CALN1: variants seen among roughly 807,000 people sequenced by gnomAD.
The protein encoded by CALN1 is calcium-binding protein 8.
Under a neutral mutation model 30.6 loss-of-function variants are expected in CALN1, and 17 were observed. The ratio of observed to expected loss-of-function variants is 0.56; its 90% confidence interval spans 0.38 to 0.83. The LOEUF (loss-of-function observed/expected upper bound fraction) is 0.83, where lower values mean the gene tolerates loss of function less well. Ranked by LOEUF, CALN1 falls within the 40% of genes least tolerant of loss-of-function variation. The pLI, the probability that CALN1 is intolerant of heterozygous loss-of-function variation, is 0.00. For synonymous variants in CALN1, 156 were observed against 131.4 expected (o/e 1.19, Z -1.28); for missense variants, 291 against 354.9 (o/e 0.82, Z 1.45).
intron 1 of CALN1, among the ~76,000 whole-genome samples, chr7:72,404,645 G>T (rs141678755): frequency 2.0e-4 from 30 of 152,226 alleles, no homozygotes; most frequent in African/African-American, 6.7e-4. Flanking sequence ...ATTGTATCCT[G>T]GGAAGAGTCC....
At chr7:71,871,212 C>T (rs1225474975) in intron 5 of CALN1, among the ~76,000 whole-genome samples, 1 of 151,974 alleles carries the variant, frequency 6.6e-6, no homozygotes, top group Non-Finnish European at 1.5e-5. Context: ...TTGGCAAGAC[C>T]CAGCTGAACA....
intron 3 of CALN1, among the ~76,000 whole-genome samples, chr7:72,144,043 G>A (rs559840238): frequency 2.0e-5 from 3 of 151,958 alleles, no homozygotes; most frequent in African/African-American, 2.4e-5. Context: ...AAAGACCATC[G>A]AGGCTAGGAA....
At chr7:72,020,949 G>T (rs374657572) in intron 5 of CALN1, among the ~76,000 whole-genome samples, 7 of 152,086 alleles carry the variant, frequency 4.6e-5, no homozygotes, top group African/African-American at 1.7e-4. Context: ...CTCCTTAGTT[G>T]GCCCTAAGGA....
intron 3 of CALN1, among the ~76,000 whole-genome samples, chr7:72,148,111 A>C (rs573299268): frequency 0.013 from 1,905 of 150,232 alleles, 46 homozygotes; most frequent in African/African-American, 0.044. Context: ...TAAAAAAAAA[A>C]AACAACCAAC....
chr7:72,356,281 T>C (rs150524906), intron 2 of CALN1, among the ~76,000 whole-genome samples: 9 of 150,162 alleles, frequency 6.0e-5, no homozygotes, highest in Non-Finnish European at 1.3e-4. Context: ...TGTAGGTAAA[T>C]CTGAATAACT....
chr7:71,936,965 A>C (rs1245157765), intron 5 of CALN1, among the ~76,000 whole-genome samples: 6 of 152,030 alleles, frequency 3.9e-5, no homozygotes, highest in South Asian at 2.1e-4. Context: ...TTTCATCTCC[A>C]GCCATGATTC....
At chr7:72,388,048 C>T (rs1329365229) in intron 2 of CALN1, among the ~76,000 whole-genome samples, 3 of 152,016 alleles carry the variant, frequency 2.0e-5, no homozygotes, top group South Asian at 2.1e-4. Flanking sequence ...GTGGGTTTTG[C>T]CATTGACTTT....
intron 2 of CALN1, among the ~76,000 whole-genome samples, chr7:72,295,898 A>G (rs1281654679): frequency 6.6e-6 from 1 of 151,654 alleles, no homozygotes; most frequent in African/African-American, 2.4e-5. Flanking sequence ...TTCCAACACT[A>G]TGTTGAATAG....
At chr7:71,999,181 A>C (rs1355598170) in intron 5 of CALN1, among the ~76,000 whole-genome samples, 1 of 152,222 alleles carries the variant, frequency 6.6e-6, no homozygotes, top group Non-Finnish European at 1.5e-5. Flanking sequence ...TGGCTACATC[A>C]ATACAAATAA....
At chr7:71,863,713 G>A (rs889919749) in intron 5 of CALN1, among the ~76,000 whole-genome samples, 4 of 152,106 alleles carry the variant, frequency 2.6e-5, no homozygotes, top group Non-Finnish European at 5.9e-5. Context: ...ACAACTGACT[G>A]TAAGATTAAG....
At chr7:72,415,697 C>T (rs1334429203), upstream of CALN1, among the ~76,000 whole-genome samples, 1 of 152,208 alleles carries the variant, frequency 6.6e-6, no homozygotes, top group Non-Finnish European at 1.5e-5. Context: ...ATCTCAGTTT[C>T]GTCGATCCTC....
At chr7:72,272,379 T>C (rs1346471783) in intron 3 of CALN1, among the ~76,000 whole-genome samples, 1 of 152,012 alleles carries the variant, frequency 6.6e-6, no homozygotes, top group Non-Finnish European at 1.5e-5. Flanking sequence ...CTGGCCAACA[T>C]GGCAAAAACC....
intron 2 of CALN1, among the ~76,000 whole-genome samples, chr7:72,396,385 T>A (rs1168683829): frequency 6.8e-6 from 1 of 146,166 alleles, no homozygotes; most frequent in Non-Finnish European, 1.5e-5. Context: ...ATCATGCCAC[T>A]GCACTCCAGC....
At chr7:72,116,388 G>A (rs77405030) in intron 3 of CALN1, among the ~76,000 whole-genome samples, 1,883 of 152,252 alleles carry the variant, frequency 0.012, 39 homozygotes, top group African/African-American at 0.043. Flanking sequence ...TTACCTAAGG[G>A]AAAAACATGC....
chr7:72,180,571 C>T lies in CALN1; in HGVS notation c.245-74277G>A, dbSNP rs1336081111. Among the ~76,000 whole-genome samples the T allele has an allele frequency of 6.5e-4, 75 of 114,750 alleles. 2 individuals are homozygous for T. The Middle Eastern group carries it at 0.029, about 45-fold the overall frequency. 75.3% of individuals were successfully genotyped at this position (114,750 alleles called of 152,430 possible). ...AACTTGGGCTATTTGGTTACTGTTA[C>T]TTGGGCTATTTGAAATACTGTTTAT... On this transcript the variant is annotated intron_variant, in intron 3 of 6. Transcript: ENST00000395275.
chr7:71,896,559 A>G (rs1242596982), intron 5 of CALN1, among the ~76,000 whole-genome samples: 1 of 152,210 alleles, frequency 6.6e-6, no homozygotes, highest in African/African-American at 2.4e-5. Context: ...GGAATTCACA[A>G]TGAAAGGCCT....
intron 2 of CALN1, among the ~76,000 whole-genome samples, chr7:72,339,837 G>T (rs1468855004): frequency 6.6e-6 from 1 of 152,124 alleles, no homozygotes; most frequent in Non-Finnish European, 1.5e-5. Flanking sequence ...GCAGTATGGG[G>T]GAGACCTGTG....
chr7:72,195,890 A>G (rs1790954350), intron 3 of CALN1, among the ~76,000 whole-genome samples: 1 of 152,248 alleles, frequency 6.6e-6, no homozygotes, highest in Non-Finnish European at 1.5e-5. Flanking sequence ...CCAATGGAAT[A>G]TGATTCAGCC....
At chr7:72,000,453 C>G (rs1799468779) in intron 5 of CALN1, among the ~76,000 whole-genome samples, 1 of 151,872 alleles carries the variant, frequency 6.6e-6, no homozygotes, top group Non-Finnish European at 1.5e-5. Flanking sequence ...TCCTGGAAAA[C>G]CACAAACCCC....
Sources: gnomAD v4.1 joint callset for allele counts (sites outside exome capture counted in the v4.1 genomes callset) on GRCh38, gnomAD v4.1.1 for gene constraint, MANE v1.5 for transcripts, NCBI Gene and HGNC (gene_info 2026-07-23, HGNC 2026-07-21) for gene names.